Variants in SMARCA1 observed in about 807,000 individuals in gnomAD.
SMARCA1 encodes SNF2 related chromatin remodeling ATPase 1, also known as SWI/SNF-related matrix-associated actin-dependent regulator of chromatin subfamily A member 1.
In SMARCA1, 17 loss-of-function variants were observed where a neutral mutation model predicts 93.6. The observed-to-expected ratio is 0.18, with a 90% CI of 0.12 to 0.27. The LOEUF (loss-of-function observed/expected upper bound fraction) is 0.27. Among genes scored for constraint, SMARCA1 ranks in the 10% least tolerant of loss-of-function variants. SMARCA1 has a pLI of 1.00. For synonymous variants in SMARCA1, 271 were observed against 271.4 expected (o/e 1.00, Z 0.01); for missense variants, 630 against 819.0 (o/e 0.77, Z 2.82).
At chrX:129,489,130 C>A in intron 15 of SMARCA1, 45 bp from the exon 16 acceptor site, 1 of 859,833 alleles carries the variant, frequency 1.2e-6, no homozygotes, top group Non-Finnish European at 1.7e-6. Flanking sequence ...CAATCATATT[C>A]CAAAGAAGGC....
rs745561264 is a variant in SMARCA1, at chrX:129,511,187, A to G, written c.810+617T>C. 2.0e-3 allele frequency among the ~76,000 whole-genome samples: 218 copies of G among 111,681 alleles called. 1 individual carries two copies. The highest frequency in any genetic ancestry group is 4.6e-3 in the Middle Eastern group (1 of 217). ...AATGATTGTAGCCTACTAGACTGACAAATGGCTGATTTAAACACCCCCCTA... is the reference window on the plus strand; with the variant it reads ...AATGATTGTAGCCTACTAGACTGACGAATGGCTGATTTAAACACCCCCCTA... On this transcript the variant is annotated intron_variant, in intron 6 of 24. Coordinates refer to ENST00000371121, the MANE Select transcript of SMARCA1 (RefSeq NM_001282874.2).
chrX:129,505,856 G>A (rs1204426391), intron 8 of SMARCA1, among the ~76,000 whole-genome samples: 1 of 111,567 alleles, frequency 9.0e-6, no homozygotes, highest in Non-Finnish European at 1.9e-5. Context: ...ATGTGATAGA[G>A]ACAAAATTGA....
intron 23 of SMARCA1, 145 bp downstream of exon 23, chrX:129,465,375 T>C: frequency 2.4e-6 from 1 of 417,710 alleles, no homozygotes; most frequent in Non-Finnish European, 4.2e-6. Context: ...GTGCTACGTA[T>C]GTATACACAT....
chrX:129,482,494 A>G (rs1366308734), intron 17 of SMARCA1, among the ~76,000 whole-genome samples: 1 of 111,954 alleles, frequency 8.9e-6, no homozygotes, highest in Non-Finnish European at 1.9e-5. Flanking sequence ...TGGTGGAAAC[A>G]GAAAGACCAG....
chrX:129,523,402 G>A lies in SMARCA1; in HGVS notation c.-32C>T. 4.4e-6 allele frequency: 5 copies of A among 1,124,773 alleles called. No homozygotes were observed. The highest frequency in any genetic ancestry group is 4.1e-5 in the South Asian group (2 of 48,380). 92.7% of individuals were successfully genotyped at this position (1,124,773 alleles called of 1,213,427 possible). ...GGAGCGGGAACGAGTAGGGGGACAA[G>A]GCAGGGGACGAGGGCTCCTGGGCGG... On this transcript the variant is annotated 5_prime_UTR_variant, in exon 1 of 25. Transcript: ENST00000371121.
rs1569446863 is a variant in SMARCA1 at position 129,506,063 on chromosome X, G to A, written c.1098+17C>T. 3 of 1,150,219 alleles carry A rather than the reference G, an allele frequency of 2.6e-6. No homozygotes were observed. Among genetic ancestry groups the A allele is most frequent in the East Asian group, 3.0e-5 (1 of 33,341 alleles). The allele number at this position is 1,150,219 out of a possible 1,213,427, so 94.8% of individuals were successfully genotyped here. A position where few individuals can be genotyped will look rare whatever the true frequency, so the allele number is the denominator to read the frequency against. ...AAAATAAGAAAGTTATACTTAAAAC[G>A]TATGGCTTAAACTTACATCTGCAGA... On this transcript the variant is annotated intron_variant, in intron 8 of 24. Coordinates refer to ENST00000371121, the MANE Select transcript of SMARCA1 (RefSeq NM_001282874.2).
intron 5 of SMARCA1, among the ~76,000 whole-genome samples, chrX:129,513,397 G>T (rs1011514140): frequency 9.3e-6 from 1 of 107,657 alleles, no homozygotes; most frequent in Non-Finnish European, 1.9e-5. Flanking sequence ...GGTGGTGGGC[G>T]CCTGTAATCC....
At chrX:129,484,610 G>C (rs1418693041) in intron 17 of SMARCA1, among the ~76,000 whole-genome samples, 1 of 111,606 alleles carries the variant, frequency 9.0e-6, no homozygotes, top group Non-Finnish European at 1.9e-5. Context: ...CAGCTTTATA[G>C]AGCAATTTGA....
chrX:129,470,434 C>T (rs1338999134), intron 20 of SMARCA1, among the ~76,000 whole-genome samples: 1 of 110,575 alleles, frequency 9.0e-6, no homozygotes, highest in Non-Finnish European at 1.9e-5. Context: ...AATCTCTCAT[C>T]ATTGTATGAA....
intron 16 of SMARCA1, among the ~76,000 whole-genome samples, chrX:129,488,345 A>G (rs1295722135): frequency 1.9e-5 from 2 of 107,696 alleles, no homozygotes; most frequent in Non-Finnish European, 3.8e-5. Flanking sequence ...ATGGTGGCTC[A>G]TGCCTATAAT....
intron 9 of SMARCA1, among the ~76,000 whole-genome samples, chrX:129,501,966 T>C (rs936156617): frequency 2.7e-5 from 3 of 111,727 alleles, no homozygotes; most frequent in Non-Finnish European, 5.6e-5. Flanking sequence ...CTGTGGAAAT[T>C]TGTGGTGGTA....
intron 23 of SMARCA1, among the ~76,000 whole-genome samples, chrX:129,449,121 G>C: frequency 9.0e-6 from 1 of 111,481 alleles, no homozygotes; most frequent in Non-Finnish European, 1.9e-5. Flanking sequence ...AAGGGTGCAT[G>C]AGACCTCCCT....
chrX:129,478,896 C>CGAA (rs1933513884), intron 19 of SMARCA1, among the ~76,000 whole-genome samples: 2 of 111,470 alleles, frequency 1.8e-5, no homozygotes, highest in Admixed American at 1.9e-4. Context: ...CAGAAAGAGC[C>CGAA]CAGAACGTCT....
chrX:129,481,604 G>C (rs770821980), intron 17 of SMARCA1, among the ~76,000 whole-genome samples: 35 of 111,837 alleles, frequency 3.1e-4, no homozygotes, highest in African/African-American at 1.1e-3. Context: ...CTGGCCATCA[G>C]AGAAATGCAA....
intron 9 of SMARCA1, among the ~76,000 whole-genome samples, chrX:129,500,948 A>G (rs1166804671): frequency 8.9e-6 from 1 of 112,581 alleles, no homozygotes; most frequent in South Asian, 3.7e-4. Context: ...AAAAAAAGAT[A>G]AAATAGTCAG....
intron 6 of SMARCA1, among the ~76,000 whole-genome samples, 158 bp from the exon 7 acceptor site, chrX:129,508,254 C>T (rs1267675427): frequency 1.8e-5 from 2 of 111,506 alleles, no homozygotes; most frequent in Non-Finnish European, 3.8e-5. Context: ...AACTGAGGCC[C>T]AAAGATAGTT....
Position 129,490,133 on chromosome X carries a change from G to C in SMARCA1, c.1875C>G (p.Asp625Glu). 2 of 1,185,830 alleles carry C rather than the reference G, an allele frequency of 1.7e-6. No homozygotes were observed. Among genetic ancestry groups the C allele is most frequent in the Non-Finnish European group, 2.3e-6 (2 of 872,237 alleles). Residue 625 changes from aspartate (D) to glutamate (E), a missense_variant, in exon 15 of 25, where the codon GAC (aspartate) becomes GAG (glutamate). By Grantham distance (45) the Asp-to-Glu change is conservative (BLOSUM62 2). Around this residue, in one of 4 missense-constraint regions of SMARCA1, gnomAD observed 382 missense variants for 537.9 expected, o/e 0.71. Transcript: ENST00000371121. The part of the protein sequence containing the change: ...KPVRVFRLIT[D>E]NTVEERIVER... Reference sequence around the variant, plus strand: ...CTACAATCCTCTCTTCAACAGTGTTGTCAGTGATGAGACGGAATACACGTA... The same window carrying C: ...CTACAATCCTCTCTTCAACAGTGTTCTCAGTGATGAGACGGAATACACGTA...
At chrX:129,521,854 T>C (rs1449807311) in intron 1 of SMARCA1, among the ~76,000 whole-genome samples, 2 of 112,554 alleles carry the variant, frequency 1.8e-5, no homozygotes, top group African/African-American at 6.5e-5. Flanking sequence ...CAATTGTCCT[T>C]CTGTTTAGTC....
At chrX:129,496,349 T>G (rs998202719) in intron 12 of SMARCA1, among the ~76,000 whole-genome samples, 3 of 109,048 alleles carry the variant, frequency 2.8e-5, no homozygotes, top group Non-Finnish European at 5.7e-5. Flanking sequence ...GCTTATAAAC[T>G]GGCAAAATCT....
Sources: gnomAD v4.1 joint callset for allele counts (sites outside exome capture counted in the v4.1 genomes callset) on GRCh38, gnomAD v4.1.1 for gene constraint, gnomAD v4.1.1 regional missense constraint, MANE v1.5 for transcripts, NCBI Gene and HGNC (gene_info 2026-07-23, HGNC 2026-07-21) for gene names.